The following TMCO4 variants were observed in gnomAD, a reference collection of about 807,000 sequenced individuals.
TMCO4 encodes the protein transmembrane and coiled-coil domain-containing protein 4.
A neutral mutation model predicts 64.7 loss-of-function variants in TMCO4; 58 were observed. The observed-to-expected ratio is 0.90, with a 90% CI of 0.73 to 1.12. TMCO4 has a LOEUF of 1.12. Ranked by LOEUF, TMCO4 falls within the 50% of genes most tolerant of loss-of-function variation. The probability of loss-of-function intolerance (pLI) is 0.00; values close to 1 mark genes in which losing one functional copy is unlikely to be tolerated. For synonymous variants in TMCO4, 325 were observed against 346.1 expected (o/e 0.94, Z 0.68); for missense variants, 780 against 825.9 (o/e 0.94, Z 0.68).
At position 19,743,463 on chromosome 1, in the gene TMCO4, T is replaced by C. The variant is rs1222922128; in HGVS notation, c.877+2069A>G. ...TTCCTGGCTCTCGAGGAGGTAGGAA[T>C]ATGTGATATTTTTTCCTTCTGAAAC... On this transcript the variant is annotated intron_variant, in intron 10 of 15. Transcript: ENST00000294543. The surrounding 1 kb of genome is among the most constrained non-coding windows in gnomAD (Gnocchi z 4.1). 6.6e-6 allele frequency among the ~76,000 whole-genome samples: 1 copy of C among 152,170 alleles called. No homozygotes were observed. Among genetic ancestry groups the C allele is most frequent in the Non-Finnish European group, 1.5e-5 (1 of 68,032 alleles).
At chr1:19,789,213 C>T (rs1300646835) in intron 2 of TMCO4, among the ~76,000 whole-genome samples, 2 of 151,750 alleles carry the variant, frequency 1.3e-5, no homozygotes, top group Admixed American at 6.6e-5. Flanking sequence ...ACCAGCCTGG[C>T]CAACATGGCG....
At position 19,740,777 on chromosome 1, in the gene TMCO4, C is replaced by T. The variant is rs775258399; in HGVS notation, c.1042G>A (p.Gly348Ser). 6.8e-6 allele frequency: 11 copies of T among 1,606,854 alleles called. No homozygotes were observed. Among genetic ancestry groups the T allele is most frequent in the Non-Finnish European group, 9.4e-6 (11 of 1,176,030 alleles). The change falls in exon 11 of 16, where the codon GGC becomes AGC. Residue 348 changes from glycine to serine, a missense_variant and splice_region_variant. Physicochemically the swap from Gly to Ser is moderately conservative, Grantham distance 56 (BLOSUM62 0). Transcript: ENST00000294543. The stretch of plus-strand genomic sequence containing the variant: ...TTGGGGGGCAGGTGGGGGCACTTAC[C>T]AGACAACACTGTGTACTTTAGGGCC... Reference protein sequence around the residue: ...QEALKYTVLSGIVAALTWPAS... With the variant: ...QEALKYTVLSSIVAALTWPAS...
At chr1:19,700,270 T>G (rs778134987) in intron 14 of TMCO4, among the ~76,000 whole-genome samples, 101 of 152,168 alleles carry the variant, frequency 6.6e-4, no homozygotes, top group Middle Eastern at 3.4e-3. Context: ...GGGTATAGGC[T>G]CCTGCACGCT....
chr1:19,701,884 C>T (rs1450336877), intron 13 of TMCO4, among the ~76,000 whole-genome samples: 1 of 152,142 alleles, frequency 6.6e-6, no homozygotes, highest in Non-Finnish European at 1.5e-5. Flanking sequence ...TTGGTAATCT[C>T]AGCATTTTGG....
Position 19,694,540 on chromosome 1 carries a change from AG to A in TMCO4, c.1393del (p.Leu465CysfsTer2). On this transcript the variant is annotated frameshift_variant, in exon 15 of 16. Coordinates refer to ENST00000294543, the MANE Select transcript of TMCO4 (RefSeq NM_181719.7). LOFTEE classifies it high-confidence loss of function. ...GGATGTGCGGTACACGAAACTCAGC[AG>A]CCAGTCTCCCCTGTGGGAGGGTAGA... Reference protein sequence around the residue: ...IINGYCRGDWLLSFVYRTSSV... With the variant: ...IINGYCRGDWXLSFVYRTSSV... 1 of 1,614,042 alleles carries A rather than the reference AG, an allele frequency of 6.2e-7. No individual in the cohort carries two copies. The highest frequency in any genetic ancestry group is 2.2e-5 in the East Asian group (1 of 44,864).
chr1:19,733,457 C>A (rs1443844302), intron 13 of TMCO4, among the ~76,000 whole-genome samples: 1 of 152,066 alleles, frequency 6.6e-6, no homozygotes, highest in Non-Finnish European at 1.5e-5. Context: ...GTCATGTGTC[C>A]ATCAAGCACC....
At chr1:19,693,493 GA>G (rs1331274175) in intron 15 of TMCO4, among the ~76,000 whole-genome samples, 1 of 152,050 alleles carries the variant, frequency 6.6e-6, no homozygotes, top group Non-Finnish European at 1.5e-5. Context: ...AAAACAAAAA[GA>G]AAAAGAAAAG....
chr1:19,786,537 G>A (rs956584439), intron 3 of TMCO4, among the ~76,000 whole-genome samples: 1 of 152,238 alleles, frequency 6.6e-6, no homozygotes, highest in Non-Finnish European at 1.5e-5. Context: ...GTTTGGTGCG[G>A]CCAGGGCTTG....
rs56745137 is a variant in TMCO4, at chr1:19,684,040, G to GC, written c.1501-597dup. ...GCCTCCCAAAGTGTTGGGATTACAGGCGTGAGCCACTGTGCCCGGCAGCTT... is the reference window on the plus strand; with the variant it reads ...GCCTCCCAAAGTGTTGGGATTACAGGCCGTGAGCCACTGTGCCCGGCAGCTT... On this transcript the variant is annotated intron_variant, in intron 15 of 15. Transcript: ENST00000294543. Among the ~76,000 whole-genome samples the GC allele has an allele frequency of 7.4e-3, 1,098 of 149,004 alleles. 8 individuals are homozygous for GC. Among genetic ancestry groups the GC allele is most frequent in the African/African-American group, 0.026 (1,046 of 39,712 alleles).
intron 12 of TMCO4, chr1:19,738,566 G>C (rs2095465939): frequency 6.6e-6 from 1 of 152,250 alleles, no homozygotes; most frequent in African/African-American, 2.4e-5. Context: ...TCTTGCTCCA[G>C]ATATTGACAC....
intron 7 of TMCO4, 91 bp downstream of exon 7, chr1:19,755,543 T>C (rs2042207327): frequency 3.9e-6 from 6 of 1,549,314 alleles, no homozygotes; most frequent in Non-Finnish European, 5.2e-6. Context: ...CACTACACCA[T>C]CTCTTAAAGG....
Position 19,751,374 on chromosome 1 carries a change from G to A in TMCO4, c.516-4114C>T, listed in dbSNP as rs139800328. Among the ~76,000 whole-genome samples, 483 of 152,256 alleles carry A rather than the reference G, an allele frequency of 3.2e-3. 6 individuals carry two copies. Among genetic ancestry groups the A allele is most frequent in the African/African-American group, 1.0e-2 (415 of 41,534 alleles). On this transcript the variant is annotated intron_variant, in intron 7 of 15. Coordinates refer to ENST00000294543, the MANE Select transcript of TMCO4 (RefSeq NM_181719.7). Reference sequence around the variant, plus strand: ...GCACTTCGGGAGGCTGTGGTGGGAGGATCCCTTCAGCCCAGGAGTTCCAGA... The same window carrying A: ...GCACTTCGGGAGGCTGTGGTGGGAGAATCCCTTCAGCCCAGGAGTTCCAGA...
intron 13 of TMCO4, among the ~76,000 whole-genome samples, chr1:19,722,683 C>CA (rs1434598256): frequency 1.3e-5 from 2 of 152,118 alleles, no homozygotes; most frequent in Admixed American, 6.6e-5. Flanking sequence ...GTAGGAAAGA[C>CA]AGGCTAGGGA....
intron 13 of TMCO4, among the ~76,000 whole-genome samples, chr1:19,712,673 A>G (rs1424684322): frequency 3.3e-5 from 5 of 152,214 alleles, no homozygotes; most frequent in Non-Finnish European, 7.3e-5. Flanking sequence ...AGAATTACCA[A>G]ATGTGTCACA....
rs2043488315 is a variant in TMCO4 at position 19,781,680 on chromosome 1, T to C, written c.-8-914A>G. On this transcript the variant is annotated intron_variant, in intron 3 of 15. Transcript: ENST00000294543. Reference sequence around the variant, plus strand: ...TTTTTCTTTTGAGATGGAGTCTCGCTCTGTCGCCCAGGCTGGAGTGCAGTG... The same window carrying C: ...TTTTTCTTTTGAGATGGAGTCTCGCCCTGTCGCCCAGGCTGGAGTGCAGTG... Among the ~76,000 whole-genome samples, 3 of 149,856 alleles carry C rather than the reference T, an allele frequency of 2.0e-5. No homozygotes were observed. The South Asian group carries it at 6.3e-4, about 32-fold the overall frequency.
At chr1:19,762,466 C>A (rs1489854054) in intron 6 of TMCO4, among the ~76,000 whole-genome samples, 2 of 152,190 alleles carry the variant, frequency 1.3e-5, no homozygotes, top group African/African-American at 4.8e-5. Context: ...ACTGTGGGAG[C>A]CCCTGGAGCC....
intron 13 of TMCO4, 170 bp from the exon 14 acceptor site, chr1:19,701,055 T>C (rs761272163): frequency 1.5e-4 from 86 of 591,732 alleles, no homozygotes; most frequent in Non-Finnish European, 2.3e-4. Context: ...CACGCAAACA[T>C]GCATGGATAG....
intron 7 of TMCO4, among the ~76,000 whole-genome samples, chr1:19,753,179 C>T (rs1251160657): frequency 6.6e-6 from 1 of 151,908 alleles, no homozygotes; most frequent in African/African-American, 2.4e-5. Flanking sequence ...AGGCTGGTCT[C>T]GAACTCCTGA....
At chr1:19,768,366 T>C (rs973622521) in intron 6 of TMCO4, among the ~76,000 whole-genome samples, 1 of 152,174 alleles carries the variant, frequency 6.6e-6, no homozygotes, top group Non-Finnish European at 1.5e-5. Context: ...TCAGCCTTTC[T>C]CTCCAAGGGA....
Sources: allele counts gnomAD v4.1 joint callset (sites outside exome capture counted in the v4.1 genomes callset), GRCh38; gene constraint gnomAD v4.1.1; non-coding constraint Gnocchi (gnomAD v3.1); transcripts MANE v1.5; gene names NCBI Gene and HGNC (gene_info 2026-07-23, HGNC 2026-07-21).